The following FNDC3B variants were observed in gnomAD, a reference collection of about 807,000 sequenced individuals.
The protein encoded by FNDC3B is fibronectin type III domain containing 3B.
In FNDC3B, 12 loss-of-function variants were observed where a neutral mutation model predicts 151.5. The observed-to-expected ratio is 0.08, with a 90% CI of 0.05 to 0.13. The LOEUF (loss-of-function observed/expected upper bound fraction) is 0.13. FNDC3B is among the 10% of genes least tolerant of loss of function. FNDC3B has a pLI of 1.00. For synonymous variants in FNDC3B, 528 were observed against 549.0 expected (o/e 0.96, Z 0.54); for missense variants, 1,214 against 1,505.3 (o/e 0.81, Z 3.20).
rs757490223 is a variant in FNDC3B, at chr3:172,307,512, C to T, written c.1200+11C>T. 4.3e-6 allele frequency: 7 copies of T among 1,613,868 alleles called. No homozygotes were observed. Among genetic ancestry groups the T allele is most frequent in the Non-Finnish European group, 5.9e-6 (7 of 1,179,876 alleles). ...ACCCTGCAGTGGAAGGTGGGTAGCTCAAAGCATCAAGAATCGTCTCAATTT... is the reference window on the plus strand; with the variant it reads ...ACCCTGCAGTGGAAGGTGGGTAGCTTAAAGCATCAAGAATCGTCTCAATTT... On this transcript the variant is annotated intron_variant, in intron 10 of 25. Transcript: ENST00000415807.
At chr3:172,135,229 C>G (rs1721301480) in intron 3 of FNDC3B, among the ~76,000 whole-genome samples, 1 of 151,888 alleles carries the variant, frequency 6.6e-6, no homozygotes, top group South Asian at 2.1e-4. Context: ...CCTAAGTTTA[C>G]TTTTTGGTGT....
intron 3 of FNDC3B, among the ~76,000 whole-genome samples, chr3:172,188,891 T>G (rs1724352477): frequency 1.3e-5 from 2 of 152,202 alleles, no homozygotes; most frequent in East Asian, 3.8e-4. Flanking sequence ...CCTTGCAACA[T>G]TTTAGACTGC....
intron 23 of FNDC3B, among the ~76,000 whole-genome samples, chr3:172,376,256 A>G (rs1735136940): frequency 6.6e-6 from 1 of 152,222 alleles, no homozygotes; most frequent in African/African-American, 2.4e-5. Flanking sequence ...TTACAAACTT[A>G]GAGTAATGAA....
chr3:172,155,065 G>A (rs2108608469), intron 3 of FNDC3B, among the ~76,000 whole-genome samples: 1 of 152,218 alleles, frequency 6.6e-6, no homozygotes, highest in Admixed American at 6.5e-5. Context: ...GAAAGGAAGA[G>A]CCCTTAGCAT....
At chr3:172,371,169 C>A (rs556368) in intron 23 of FNDC3B, among the ~76,000 whole-genome samples, 101,487 of 151,564 alleles carry the variant, frequency 0.67, 34,442 homozygotes, top group East Asian at 0.84. Context: ...TATAAAATGG[C>A]ATAGTATTTG....
At chr3:172,054,250 G>A (rs1168534548) in intron 1 of FNDC3B, among the ~76,000 whole-genome samples, 1 of 152,208 alleles carries the variant, frequency 6.6e-6, no homozygotes, top group Non-Finnish European at 1.5e-5. Context: ...ACTAGAGGGT[G>A]TCTATCTCTG....
intron 6 of FNDC3B, among the ~76,000 whole-genome samples, chr3:172,283,484 A>T (rs1729845924): frequency 6.6e-6 from 1 of 152,120 alleles, no homozygotes; most frequent in South Asian, 2.1e-4. Flanking sequence ...TGAGTAGGTG[A>T]TCATCCCTGT....
chr3:172,227,203 T>C (rs1275975595), intron 4 of FNDC3B: 2 of 336,376 alleles, frequency 5.9e-6, no homozygotes, highest in Non-Finnish European at 1.1e-5. Flanking sequence ...GATTGTTTGG[T>C]TGTGATTTCT....
At position 172,154,848 on chromosome 3, in the gene FNDC3B, G is replaced by A. The variant is rs184472481; in HGVS notation, c.187+21302G>A. Among the ~76,000 whole-genome samples the A allele has an allele frequency of 8.6e-4, 131 of 152,150 alleles. 2 individuals are homozygous for A. Among genetic ancestry groups the A allele is most frequent in the African/African-American group, 3.0e-3 (124 of 41,514 alleles). ...ATCTGTCTCCTGCTTTTGAGCCTTC[G>A]TGATCTCTCCAGGAGCTGCTGTAAT... On this transcript the variant is annotated intron_variant, in intron 3 of 25. Coordinates refer to ENST00000415807, the MANE Select transcript of FNDC3B (RefSeq NM_022763.4).
intron 11 of FNDC3B, among the ~76,000 whole-genome samples, 199 bp downstream of exon 11, chr3:172,311,080 T>C (rs1227295642): frequency 6.6e-6 from 1 of 152,234 alleles, no homozygotes; most frequent in Non-Finnish European, 1.5e-5. Flanking sequence ...TATTGAAATA[T>C]ATGTACCTGG....
intron 3 of FNDC3B, among the ~76,000 whole-genome samples, chr3:172,196,804 G>A (rs1724857565): frequency 6.6e-6 from 1 of 152,156 alleles, no homozygotes; most frequent in Non-Finnish European, 1.5e-5. Flanking sequence ...GACAGCCGGA[G>A]CTCTCAGAGT....
intron 23 of FNDC3B, among the ~76,000 whole-genome samples, chr3:172,365,513 C>T (rs971763356): frequency 3.3e-5 from 5 of 152,126 alleles, no homozygotes; most frequent in African/African-American, 1.2e-4. Flanking sequence ...AAAGGGATCC[C>T]AAAGAGCATC....
chr3:172,388,609 T>C (rs1053713789), intron 25 of FNDC3B, among the ~76,000 whole-genome samples: 1 of 152,200 alleles, frequency 6.6e-6, no homozygotes, highest in Non-Finnish European at 1.5e-5. Context: ...TGCACAGTCC[T>C]GGGGGAGGCA....
intron 3 of FNDC3B, among the ~76,000 whole-genome samples, chr3:172,153,187 T>C (rs1434593967): frequency 6.6e-6 from 1 of 152,080 alleles, no homozygotes; most frequent in Non-Finnish European, 1.5e-5. Context: ...AAATGTGAAT[T>C]TGGATACAGT....
intron 4 of FNDC3B, 41 bp downstream of exon 4, chr3:172,226,988 GTCGTTGC>G: frequency 1.5e-6 from 2 of 1,303,466 alleles, no homozygotes; most frequent in Non-Finnish European, 2.2e-6. Context: ...TATGGACACT[GTCGTTGC>G]TCCAACAGAA....
intron 4 of FNDC3B, among the ~76,000 whole-genome samples, chr3:172,233,719 G>C (rs547574510): frequency 6.6e-6 from 1 of 152,304 alleles, no homozygotes; most frequent in Admixed American, 6.5e-5. Flanking sequence ...AAAGGCACAT[G>C]GGGGACTGCC....
intron 1 of FNDC3B, among the ~76,000 whole-genome samples, chr3:172,072,231 A>G (rs1371937679): frequency 6.6e-6 from 1 of 150,518 alleles, no homozygotes; most frequent in Non-Finnish European, 1.5e-5. Flanking sequence ...TCAAGGTTTT[A>G]TTTAATTTTA....
intron 1 of FNDC3B, among the ~76,000 whole-genome samples, chr3:172,052,245 G>A (rs1286411497): frequency 1.2e-5 from 1 of 83,180 alleles, no homozygotes. Flanking sequence ...AATTTTTGTG[G>A]GTTTTTTTTT....
At chr3:172,380,195 A>G (rs1466383734) in intron 24 of FNDC3B, among the ~76,000 whole-genome samples, 2 of 152,046 alleles carry the variant, frequency 1.3e-5, no homozygotes, top group Non-Finnish European at 2.9e-5. Flanking sequence ...AAGGGGGTTC[A>G]GACAGGAGAT....
Sources: gnomAD v4.1 joint callset for allele counts (sites outside exome capture counted in the v4.1 genomes callset) on GRCh38, gnomAD v4.1.1 for gene constraint, MANE v1.5 for transcripts, NCBI Gene and HGNC (gene_info 2026-07-23, HGNC 2026-07-21) for gene names.